Variants in TELO2 observed in about 807,000 individuals in gnomAD.
The protein encoded by TELO2 is telomere maintenance 2.
A neutral mutation model predicts 91.0 loss-of-function variants in TELO2; 71 were observed. The ratio of observed to expected loss-of-function variants is 0.78; its 90% CI spans 0.64 to 0.95. The LOEUF (loss-of-function observed/expected upper bound fraction) is 0.95, where lower values mean the gene tolerates loss of function less well. TELO2 is among the 40% of genes least tolerant of loss of function. The pLI, the probability that TELO2 is intolerant of heterozygous loss-of-function variation, is 0.00. For synonymous variants in TELO2, 584 were observed against 518.9 expected (o/e 1.13, Z -1.71); for missense variants, 1,183 against 1,141.3 (o/e 1.04, Z -0.53).
At position 1,500,363 on chromosome 16, in the gene TELO2, TG is replaced by T; in HGVS notation, c.1021del (p.Glu341ArgfsTer47). Reference sequence around the variant, plus strand: ...CACCTGCAGGTGCTGAAGGAGCTGTTGGAGACGTGGGGCAGCAGCAGTGCCA... The same window carrying T: ...CACCTGCAGGTGCTGAAGGAGCTGTTGAGACGTGGGGCAGCAGCAGTGCCA... ...PLLLQVLKELLETWGSSSAIR... is the reference protein window; with the variant it reads ...PLLLQVLKELXETWGSSSAIR... On this transcript the variant is annotated frameshift_variant, in exon 8 of 21. Transcript: ENST00000262319. LOFTEE classifies it high-confidence loss of function. 1 of 1,593,466 alleles carries T rather than the reference TG, an allele frequency of 6.3e-7. No individual in the cohort carries two copies. Among genetic ancestry groups the T allele is most frequent in the Non-Finnish European group, 8.5e-7 (1 of 1,172,046 alleles).
intron 15 of TELO2, among the ~76,000 whole-genome samples, chr16:1,504,239 C>A (rs1397903731): frequency 1.3e-5 from 2 of 151,390 alleles, no homozygotes; most frequent in African/African-American, 4.9e-5. Context: ...TCAAGACCAG[C>A]CTCGCCAACA....
intron 9 of TELO2, 57 bp from the exon 10 acceptor site, chr16:1,501,363 C>G: frequency 6.4e-7 from 1 of 1,570,324 alleles, no homozygotes; most frequent in South Asian, 1.2e-5. Flanking sequence ...GTGGCTCCGT[C>G]TCGGGGAGGG....
Position 1,502,732 on chromosome 16 carries a change from G to T in TELO2, c.1741G>T (p.Val581Leu). 3.7e-6 allele frequency: 6 copies of T among 1,612,436 alleles called. No individual in the cohort carries two copies. The highest frequency in any genetic ancestry group is 5.1e-6 in the Non-Finnish European group (6 of 1,179,866). Reference sequence around the variant, plus strand: ...TGCAGGGCTGCGCCAGAGAGCCCTGGTGGCCGTCACGGTCACAGACCCGGC... The same window carrying T: ...TGCAGGGCTGCGCCAGAGAGCCCTGTTGGCCGTCACGGTCACAGACCCGGC... Reference protein sequence around the residue: ...GFAGLRQRALVAVTVTDPAPV... With the variant: ...GFAGLRQRALLAVTVTDPAPV... Residue 581 changes from valine (V) to leucine (L), a missense_variant, in exon 14 of 21, where the codon GTG (valine) becomes TTG (leucine). Val to Leu is a conservative substitution (Grantham distance 32). Coordinates refer to ENST00000262319, the MANE Select transcript of TELO2 (RefSeq NM_016111.4).
chr16:1,506,959 G>A lies in TELO2; in HGVS notation c.2134G>A (p.Val712Met), dbSNP rs1297083323. 1.2e-6 allele frequency: 2 copies of A among 1,609,824 alleles called. No homozygotes were observed. The highest frequency in any genetic ancestry group is 4.5e-5 in the East Asian group (2 of 44,818). ...CTCCATCCTGTGCTCTAGGCCTCTG[G>A]TGACCTTCGACCTCTTGGGAGAAGA... The part of the protein sequence containing the change: ...PLLQRFDRPL[V>M]TFDLLGEDQL... The change falls in exon 18 of 21, where the codon GTG becomes ATG. Residue 712 changes from valine (V) to methionine (M), a missense_variant. By Grantham distance (21) the Val-to-Met change is conservative. Coordinates refer to ENST00000262319, the MANE Select transcript of TELO2 (RefSeq NM_016111.4).
At chr16:1,506,894 G>C in intron 17 of TELO2, 58 bp from the exon 18 acceptor site, 1 of 1,519,392 alleles carries the variant, frequency 6.6e-7, no homozygotes, top group South Asian at 1.2e-5. Flanking sequence ...TGGCCCAGGA[G>C]GTTGGGGACC....
intron 5 of TELO2, among the ~76,000 whole-genome samples, chr16:1,498,885 C>T (rs1350891828): frequency 1.3e-5 from 2 of 152,168 alleles, no homozygotes; most frequent in African/African-American, 2.4e-5. Context: ...AAAATTTGGC[C>T]CGCTGCATGT....
rs1445130570 is a variant in TELO2, at chr16:1,509,874, C to T, written c.2452C>T (p.Leu818=). ...DPDEDCRTLA[L]RALLLLQRLK... ...GGACGAGGACTGCAGGACGCTGGCA[C>T]TGAGGGCCCTGCTGCTTCTGCAGAG... The change falls in exon 21 of 21, where the codon CTG becomes TTG. Residue 818 remains leucine (L), a synonymous_variant. Coordinates refer to ENST00000262319, the MANE Select transcript of TELO2 (RefSeq NM_016111.4). 4.3e-6 allele frequency: 7 copies of T among 1,612,348 alleles called. No homozygotes were observed. Among genetic ancestry groups the T allele is most frequent in the African/African-American group, 2.7e-5 (2 of 74,930 alleles).
chr16:1,497,616 C>A lies in TELO2; in HGVS notation c.830+108C>A, dbSNP rs1177199917. 8 of 1,419,208 alleles carry A rather than the reference C, an allele frequency of 5.6e-6. No homozygotes were observed. In the East Asian group the frequency reaches 1.8e-4, roughly 31 times the overall value. 87.9% of individuals were successfully genotyped at this position (1,419,208 alleles called of 1,614,324 possible). Reference sequence around the variant, plus strand: ...CCTGGGCGCCGTGCTGCAGCTGGCACCCCCATGTAGGTGCCACAGGGTGTG... The same window carrying A: ...CCTGGGCGCCGTGCTGCAGCTGGCAACCCCATGTAGGTGCCACAGGGTGTG... On this transcript the variant is annotated intron_variant, in intron 5 of 20. Transcript: ENST00000262319. The surrounding 1 kb of genome is among the most constrained non-coding windows in gnomAD (Gnocchi z 4.0).
chr16:1,493,635 G>GGGGGTCC lies in TELO2; in HGVS notation c.-37+33_-37+39dup, dbSNP rs1444405092. 6.6e-6 allele frequency: 1 copy of GGGGGTCC among 152,304 alleles called. No individual in the cohort carries two copies. The highest frequency in any genetic ancestry group is 1.5e-5 in the Non-Finnish European group (1 of 68,146). The allele number at this position is 152,304 out of a possible 1,614,324, so 9.4% of individuals were successfully genotyped here. A position where few individuals can be genotyped will look rare whatever the true frequency, so the allele number is the denominator to read the frequency against. On this transcript the variant is annotated intron_variant, in intron 1 of 20. Coordinates refer to ENST00000262319, the MANE Select transcript of TELO2 (RefSeq NM_016111.4). This position sits in a 1 kb window ranked among gnomAD's most constrained non-coding sequence, Gnocchi z 4.3. ...GGTTGGGGGTCGGGGATCGGGGATC[G>GGGGGTCC]GGGGTCCGGTTGGGTCGGGTTGGGC...
chr16:1,502,777 C>T lies in TELO2; in HGVS notation c.1770+16C>T, dbSNP rs757990741. On this transcript the variant is annotated intron_variant, in intron 14 of 20. Coordinates refer to ENST00000262319, the MANE Select transcript of TELO2 (RefSeq NM_016111.4). ...CCCGGCCCCGGTGAGTTCCCGCACC[C>T]GTGGCCCTGGCCAGTGCAGGCACAG... 20 of 1,609,748 alleles carry T rather than the reference C, an allele frequency of 1.2e-5. No homozygotes were observed. Among genetic ancestry groups the T allele is most frequent in the South Asian group, 8.8e-5 (8 of 90,974 alleles).
Position 1,494,027 on chromosome 16 carries a change from C to T in TELO2, c.-36-219C>T, listed in dbSNP as rs553625176. Reference sequence around the variant, plus strand: ...AGAATGTTCCCTGGGCACAGTGGCCCGGGTTGAGAAGCCCTGCAGTGGCTG... The same window carrying T: ...AGAATGTTCCCTGGGCACAGTGGCCTGGGTTGAGAAGCCCTGCAGTGGCTG... On this transcript the variant is annotated intron_variant, in intron 1 of 20. Transcript: ENST00000262319. The surrounding 1 kb of genome is among the most constrained non-coding windows in gnomAD (Gnocchi z 5.6). 1.3e-5 allele frequency among the ~76,000 whole-genome samples: 2 copies of T among 152,112 alleles called. No individual in the cohort carries two copies. The highest frequency in any genetic ancestry group is 6.5e-5 in the Admixed American group (1 of 15,292).
At chr16:1,504,450 A>AG (rs1567303422) in intron 15 of TELO2, among the ~76,000 whole-genome samples, 1 of 149,862 alleles carries the variant, frequency 6.7e-6, no homozygotes, top group Non-Finnish European at 1.5e-5. Flanking sequence ...AAAAAAAAAA[A>AG]AAAAAGGGAG....
chr16:1,503,686 C>T (rs7192756), intron 15 of TELO2, among the ~76,000 whole-genome samples: 8,806 of 152,172 alleles, frequency 0.058, 874 homozygotes, highest in African/African-American at 0.2. Context: ...GGAGAGCGGA[C>T]GGGGCTGCCG....
rs2039594345 is a variant in TELO2 at position 1,499,284 on chromosome 16, C to A, written c.884C>A (p.Ala295Asp). The change falls in exon 6 of 21, where the codon GCC becomes GAC. Residue 295 changes from alanine (A) to aspartate (D), a missense_variant. By Grantham distance (126) the Ala-to-Asp change is moderately radical. Transcript: ENST00000262319. The stretch of plus-strand genomic sequence containing the variant: ...AACCTGGTGGTGAAGAACAAGAAGG[C>A]CCAGTTTGTGATGACCCAGAAGCTT... ...LGNLVVKNKK[A>D]QFVMTQKLLF... 2 of 1,614,064 alleles carry A rather than the reference C, an allele frequency of 1.2e-6. No homozygotes were observed. Among genetic ancestry groups the A allele is most frequent in the Non-Finnish European group, 1.7e-6 (2 of 1,179,998 alleles).
At chr16:1,496,691 G>T (rs991522067) in intron 3 of TELO2, among the ~76,000 whole-genome samples, 28 of 152,184 alleles carry the variant, frequency 1.8e-4, no homozygotes, top group African/African-American at 6.8e-4. Flanking sequence ...CTCATGCCCG[G>T]CTCAGGGCCC....
Position 1,510,160 on chromosome 16 carries a change from G to A in TELO2, c.*224G>A, listed in dbSNP as rs2040086637. The stretch of plus-strand genomic sequence containing the variant: ...ACTGCCCGCCGGGACATGGCAGCCT[G>A]GACGTGGGGCTGGGGCTGTGGGCGC... On this transcript the variant is annotated 3_prime_UTR_variant, in exon 21 of 21. Transcript: ENST00000262319. 3 of 550,336 alleles carry A rather than the reference G, an allele frequency of 5.5e-6. No homozygotes were observed. The highest frequency in any genetic ancestry group is 3.1e-5 in the Admixed American group (1 of 32,126). The allele number at this position is 550,336 out of a possible 1,614,324, so 34.1% of individuals were successfully genotyped here.
chr16:1,494,588 T>C lies in TELO2; in HGVS notation c.307T>C (p.Leu103=). 6.2e-7 allele frequency: 1 copy of C among 1,613,392 alleles called. No individual in the cohort carries two copies. Among genetic ancestry groups the C allele is most frequent in the Non-Finnish European group, 8.5e-7 (1 of 1,179,826 alleles). ...EGPADQAFLV[L]METIEGAAGP... The stretch of plus-strand genomic sequence containing the variant: ...CCCGGCGGACCAAGCCTTCCTGGTG[T>C]TGATGGAGACCATCGAGGGTGCTGC... Residue 103 remains leucine (L), a synonymous_variant, in exon 2 of 21, where the codon TTG becomes CTG. Transcript: ENST00000262319. The surrounding 1 kb of genome is among the most constrained non-coding windows in gnomAD (Gnocchi z 5.6).
rs552173644 is a variant in TELO2, at chr16:1,505,297, C to T, written c.1843-113C>T. The T allele has an allele frequency of 4.4e-5, 56 of 1,268,582 alleles. 1 individual carries two copies. The South Asian group carries it at 6.5e-4, about 15-fold the overall frequency. The allele number at this position is 1,268,582 out of a possible 1,614,324, so 78.6% of individuals were successfully genotyped here. A position where few individuals can be genotyped will look rare whatever the true frequency, so the allele number is the denominator to read the frequency against. On this transcript the variant is annotated intron_variant, in intron 15 of 20. Transcript: ENST00000262319. The surrounding 1 kb of genome is among the most constrained non-coding windows in gnomAD (Gnocchi z 4.3). ...TCTCCTTGTTCCCAGAACACACCTT[C>T]TCCCAGGCTGGGCGGGCCCCCGGGC...
intron 19 of TELO2, 36 bp from the exon 20 acceptor site, chr16:1,507,565 C>T: frequency 6.5e-7 from 1 of 1,545,478 alleles, no homozygotes; most frequent in Non-Finnish European, 8.7e-7. Flanking sequence ...GGGGTGTGGT[C>T]CCTGCCGAGC....
Sources: allele counts gnomAD v4.1 joint callset (sites outside exome capture counted in the v4.1 genomes callset), GRCh38; gene constraint gnomAD v4.1.1; non-coding constraint Gnocchi (gnomAD v3.1); transcripts MANE v1.5; gene names NCBI Gene and HGNC (gene_info 2026-07-23, HGNC 2026-07-21).